The following PCDHAC1 variants were observed in gnomAD, a reference collection of about 807,000 sequenced individuals.
The protein encoded by PCDHAC1 is protocadherin alpha subfamily C, 1.
Under a neutral mutation model 60.0 loss-of-function variants are expected in PCDHAC1, and 42 were observed. The observed-to-expected ratio is 0.70, with a 90% CI of 0.55 to 0.90. The LOEUF (loss-of-function observed/expected upper bound fraction) is 0.90, where lower values mean the gene tolerates loss of function less well. PCDHAC1 is among the 40% of genes least tolerant of loss of function. PCDHAC1 has a pLI of 0.00. For synonymous variants in PCDHAC1, 468 were observed against 499.3 expected, an observed-to-expected ratio of 0.94 and a Z score of 0.84; for missense variants, 1,160 against 1,222.3, an observed-to-expected ratio of 0.95 and a Z score of 0.76.
intron 1 of PCDHAC1, among the ~76,000 whole-genome samples, chr5:140,962,347 C>A (rs191780691): frequency 1.7e-4 from 26 of 152,244 alleles, no homozygotes; most frequent in African/African-American, 5.3e-4. Flanking sequence ...AAGTAAAACT[C>A]CCCCCAATAC....
chr5:140,966,678 C>T, intron 1 of PCDHAC1: 5 of 1,313,350 alleles, frequency 3.8e-6, no homozygotes, highest in South Asian at 3.6e-5. Context: ...CAGGGTGGCA[C>T]GAGCGGAGGC....
chr5:140,946,765 T>C (rs1255265012), intron 1 of PCDHAC1, among the ~76,000 whole-genome samples: 2 of 151,428 alleles, frequency 1.3e-5, no homozygotes, highest in African/African-American at 4.9e-5. Flanking sequence ...ATCTCATTCA[T>C]GTGGAATGTA....
At chr5:140,957,912 T>A (rs570961362) in intron 1 of PCDHAC1, among the ~76,000 whole-genome samples, 1 of 152,256 alleles carries the variant, frequency 6.6e-6, no homozygotes, top group Non-Finnish European at 1.5e-5. Context: ...CATATTGTTA[T>A]CTATGTATCA....
chr5:141,007,653 C>T (rs373127730), intron 3 of PCDHAC1, among the ~76,000 whole-genome samples: 1 of 152,126 alleles, frequency 6.6e-6, no homozygotes, highest in African/African-American at 2.4e-5. Context: ...GCCTAAAAAA[C>T]CATAAATTTA....
At position 140,928,276 on chromosome 5, in the gene PCDHAC1, G is replaced by T; in HGVS notation, c.1384G>T (p.Ala462Ser). Residue 462 changes from alanine to serine, a missense_variant, in exon 1 of 4, where the codon GCC becomes TCC. Transcript: ENST00000253807. ...LFVAENNGPGASLGRVFAQDP... is the reference protein window; with the variant it reads ...LFVAENNGPGSSLGRVFAQDP... ...CGTTGCTGAAAACAATGGCCCTGGG[G>T]CCTCTCTAGGCCGAGTGTTTGCCCA... The T allele has an allele frequency of 6.2e-7, 1 of 1,614,172 alleles. No individual in the cohort carries two copies. The highest frequency in any genetic ancestry group is 8.5e-7 in the Non-Finnish European group (1 of 1,180,040).
At chr5:140,959,090 G>A (rs797041561) in intron 1 of PCDHAC1, among the ~76,000 whole-genome samples, 2 of 151,986 alleles carry the variant, frequency 1.3e-5, no homozygotes, top group African/African-American at 2.4e-5. Flanking sequence ...CCTTGGTTTC[G>A]GACATTCAGC....
chr5:140,978,791 A>T (rs1443899144), intron 1 of PCDHAC1, 158 bp from the exon 2 acceptor site: 1 of 976,042 alleles, frequency 1.0e-6, no homozygotes, highest in South Asian at 4.7e-5. Flanking sequence ...AAAGTGCTAT[A>T]TATGTAGATA....
intron 1 of PCDHAC1, among the ~76,000 whole-genome samples, chr5:140,937,106 C>G (rs2091337574): frequency 6.7e-6 from 1 of 149,110 alleles, no homozygotes; most frequent in African/African-American, 2.5e-5. Context: ...GGCGCAGTCT[C>G]GGCTCACTGC....
At chr5:140,964,044 A>G (rs155810) in intron 1 of PCDHAC1, among the ~76,000 whole-genome samples, 592 of 152,346 alleles carry the variant, frequency 3.9e-3, no homozygotes, top group Middle Eastern at 0.024. Context: ...AAAGGAATGC[A>G]TAATGGTGTG....
Position 140,984,851 on chromosome 5 carries a change from A to G in PCDHAC1, c.2581+2288A>G, listed in dbSNP as rs986424116. Among the ~76,000 whole-genome samples the G allele has an allele frequency of 2.6e-5, 4 of 152,200 alleles. No individual in the cohort carries two copies. In the South Asian group the frequency reaches 6.2e-4, roughly 24 times the overall value. ...TTTCTGTAAATTGGGTGTAGTAATA[A>G]TAATAACACCTATTTTATTGAGTTA... On this transcript the variant is annotated intron_variant, in intron 3 of 3. Coordinates refer to ENST00000253807, the MANE Select transcript of PCDHAC1 (RefSeq NM_018898.5).
chr5:140,979,405 C>A (rs2096849045), intron 2 of PCDHAC1, among the ~76,000 whole-genome samples: 1 of 151,828 alleles, frequency 6.6e-6, no homozygotes, highest in Non-Finnish European at 1.5e-5. Flanking sequence ...TGTTGTCTAC[C>A]TTGTTTTTTT....
intron 1 of PCDHAC1, among the ~76,000 whole-genome samples, chr5:140,936,450 T>C (rs1217629620): frequency 6.6e-6 from 1 of 152,234 alleles, no homozygotes; most frequent in Non-Finnish European, 1.5e-5. Context: ...TAACCACATC[T>C]GTTTAGTGGT....
At chr5:140,990,981 A>G (rs1554251870) in intron 3 of PCDHAC1, among the ~76,000 whole-genome samples, 1 of 152,206 alleles carries the variant, frequency 6.6e-6, no homozygotes, top group Non-Finnish European at 1.5e-5. Context: ...AGAAAGGAAG[A>G]CAATAGCTAC....
At chr5:140,986,668 A>C (rs927109652) in intron 3 of PCDHAC1, among the ~76,000 whole-genome samples, 15 of 152,192 alleles carry the variant, frequency 9.9e-5, no homozygotes, top group African/African-American at 3.6e-4. Context: ...CACAGTTTTC[A>C]GAAGAGTTCA....
rs1399480801 is a variant in PCDHAC1, at chr5:140,951,947, C to T, written c.2433+22622C>T. On this transcript the variant is annotated intron_variant, in intron 1 of 3. Transcript: ENST00000253807. ...TTACTCCCAAGATACAGTGCGGGTA[C>T]AGGCATTGGGTAAATACTCCTGTTC... is the stretch of plus-strand genomic sequence containing the variant. 5.3e-5 allele frequency among the ~76,000 whole-genome samples: 8 copies of T among 152,250 alleles called. No individual in the cohort carries two copies. In the East Asian group the frequency reaches 1.5e-3, roughly 29 times the overall value.
chr5:141,007,551 GA>G (rs1554261384), intron 3 of PCDHAC1, among the ~76,000 whole-genome samples: 1 of 152,140 alleles, frequency 6.6e-6, no homozygotes, highest in African/African-American at 2.4e-5. Flanking sequence ...TTGGGCAACA[GA>G]GCAAGGCTCT....
chr5:140,967,130 G>A (rs1554229204), intron 1 of PCDHAC1: 1 of 1,612,184 alleles, frequency 6.2e-7, no homozygotes, highest in East Asian at 2.2e-5. Flanking sequence ...GCTCAGCTTG[G>A]AAGTGCTGGC....
intron 2 of PCDHAC1, chr5:140,982,257 G>A: frequency 1.2e-6 from 1 of 804,182 alleles, no homozygotes; most frequent in Admixed American, 3.3e-5. Context: ...TAGAACATGT[G>A]TGTTCCTGGA....
At chr5:140,960,436 G>C (rs2095548378) in intron 1 of PCDHAC1, among the ~76,000 whole-genome samples, 1 of 152,180 alleles carries the variant, frequency 6.6e-6, no homozygotes. Context: ...TGATACTCTA[G>C]ATATATGTAT....
Sources: allele counts gnomAD v4.1 joint callset (sites outside exome capture counted in the v4.1 genomes callset), GRCh38; gene constraint gnomAD v4.1.1; transcripts MANE v1.5; gene names NCBI Gene and HGNC (gene_info 2026-07-23, HGNC 2026-07-21).